Variants in LRRC4C observed in about 807,000 individuals in gnomAD.
LRRC4C encodes leucine-rich repeat-containing protein 4C.
A neutral mutation model predicts 33.6 loss-of-function variants in LRRC4C; 5 were observed. That is an observed-to-expected ratio of 0.15 (90% confidence interval 0.08 to 0.31). LRRC4C has a LOEUF of 0.31. Among genes scored for constraint, LRRC4C ranks in the 10% least tolerant of loss-of-function variants. LRRC4C has a pLI of 1.00. For missense variants in LRRC4C, 560 were observed against 796.7 expected, an observed-to-expected ratio of 0.70 and a Z score of 3.58; for synonymous variants, 329 against 302.0, an observed-to-expected ratio of 1.09 and a Z score of -0.93.
At chr11:40,670,827 A>C (rs1259649398) in intron 2 of LRRC4C, among the ~76,000 whole-genome samples, 2 of 152,068 alleles carry the variant, frequency 1.3e-5, no homozygotes, top group Non-Finnish European at 2.9e-5. Flanking sequence ...GCAGTGACGC[A>C]TCCTCGGCTC....
rs116544431 is a variant in LRRC4C, at chr11:41,347,337, G to A, written c.-496+112094C>T. Among the ~76,000 whole-genome samples the A allele has an allele frequency of 8.4e-3, 1,286 of 152,242 alleles. 10 individuals carry two copies. Among genetic ancestry groups the A allele is most frequent in the African/African-American group, 0.027 (1,124 of 41,536 alleles). On this transcript the variant is annotated intron_variant, in intron 1 of 6. Coordinates refer to ENST00000528697, the MANE Select transcript of LRRC4C (RefSeq NM_001258419.2). Reference sequence around the variant, plus strand: ...GTGTTCATTTGCTAAGTTAATACAGGCATTTAAGGAGAGCTTTAGTTTTCA... The same window carrying A: ...GTGTTCATTTGCTAAGTTAATACAGACATTTAAGGAGAGCTTTAGTTTTCA...
intron 3 of LRRC4C, among the ~76,000 whole-genome samples, chr11:40,365,469 G>A (rs147904908): frequency 1.3e-3 from 191 of 151,936 alleles, no homozygotes; most frequent in African/African-American, 4.5e-3. Flanking sequence ...AAGTTCTGCC[G>A]GTTTTTTTAC....
At chr11:41,200,927 T>C (rs750252030) in intron 1 of LRRC4C, among the ~76,000 whole-genome samples, 1 of 152,184 alleles carries the variant, frequency 6.6e-6, no homozygotes, top group South Asian at 2.1e-4. Flanking sequence ...GATGTGAAGA[T>C]GTGATGAAGA....
chr11:41,195,329 A>G (rs1238109055), intron 1 of LRRC4C, among the ~76,000 whole-genome samples: 2 of 152,096 alleles, frequency 1.3e-5, no homozygotes, highest in African/African-American at 2.4e-5. Flanking sequence ...ATAGATAATC[A>G]CAATTCAGCT....
chr11:40,808,679 G>A (rs779356372), intron 2 of LRRC4C, among the ~76,000 whole-genome samples: 26 of 152,118 alleles, frequency 1.7e-4, no homozygotes, highest in East Asian at 3.9e-4. Flanking sequence ...ACCCAGTACC[G>A]CCGGTCAATC....
intron 3 of LRRC4C, among the ~76,000 whole-genome samples, chr11:40,370,401 T>C (rs1211288523): frequency 6.6e-6 from 1 of 152,210 alleles, no homozygotes. Flanking sequence ...GGGAAGATGT[T>C]ATTTTGAGCA....
At chr11:40,622,636 A>T (rs150282546) in intron 3 of LRRC4C, among the ~76,000 whole-genome samples, 9 of 151,912 alleles carry the variant, frequency 5.9e-5, no homozygotes, top group Non-Finnish European at 1.2e-4. Flanking sequence ...AGACAATCTT[A>T]ATGAATTAAC....
At chr11:40,564,855 G>C (rs1490727568) in intron 3 of LRRC4C, among the ~76,000 whole-genome samples, 1 of 152,126 alleles carries the variant, frequency 6.6e-6, no homozygotes, top group Non-Finnish European at 1.5e-5. Context: ...GAGATAGGAG[G>C]ACGGCTCATA....
rs1389077852 is a variant in LRRC4C at position 40,474,892 on chromosome 11, C to T, written c.-269-155171G>A. Among the ~76,000 whole-genome samples, 3 of 129,918 alleles carry T rather than the reference C, an allele frequency of 2.3e-5. No homozygotes were observed. In the East Asian group the frequency reaches 9.0e-4, roughly 39 times the overall value. 85.2% of individuals were successfully genotyped at this position (129,918 alleles called of 152,430 possible). A position where few individuals can be genotyped will look rare whatever the true frequency, so the allele number is the denominator to read the frequency against. ...GTCATTAGATAAATGCAAATCAAAA[C>T]CACAATGAGATACCATCTCATGCCA... On this transcript the variant is annotated intron_variant, in intron 3 of 6. Coordinates refer to ENST00000528697, the MANE Select transcript of LRRC4C (RefSeq NM_001258419.2).
rs187638161 is a variant in LRRC4C, at chr11:40,584,703, G to A, written c.-270+63439C>T. Among the ~76,000 whole-genome samples the A allele has an allele frequency of 1.7e-3, 251 of 152,032 alleles. 1 individual carries two copies. The highest frequency in any genetic ancestry group is 5.4e-3 in the African/African-American group (223 of 41,492). ...TCCCAGAACTTTTGGAGGCCGAGGC[G>A]GGTGGATCAGCTGAGGTCAGGAGTT... On this transcript the variant is annotated intron_variant, in intron 3 of 6. Coordinates refer to ENST00000528697, the MANE Select transcript of LRRC4C (RefSeq NM_001258419.2).
intron 3 of LRRC4C, among the ~76,000 whole-genome samples, chr11:40,481,882 T>G (rs2138412563): frequency 6.6e-6 from 1 of 152,306 alleles, no homozygotes; most frequent in African/African-American, 2.4e-5. Flanking sequence ...AAGATAGAGC[T>G]ATTTCATTAT....
At chr11:41,102,645 C>A (rs772271417) in intron 1 of LRRC4C, among the ~76,000 whole-genome samples, 46 of 151,956 alleles carry the variant, frequency 3.0e-4, no homozygotes, top group Non-Finnish European at 4.4e-4. Flanking sequence ...CTGAAATAAG[C>A]TACTATATTT....
intron 1 of LRRC4C, among the ~76,000 whole-genome samples, chr11:41,116,359 G>T (rs1374435818): frequency 1.3e-5 from 2 of 152,040 alleles, no homozygotes; most frequent in African/African-American, 4.8e-5. Flanking sequence ...ATTTAACAAA[G>T]CCCAATTACA....
At chr11:41,440,637 G>A (rs1022463320) in intron 1 of LRRC4C, among the ~76,000 whole-genome samples, 2 of 151,934 alleles carry the variant, frequency 1.3e-5, no homozygotes, top group Non-Finnish European at 1.5e-5. Flanking sequence ...TGTCCCCACC[G>A]AAATCTCATC....
intron 1 of LRRC4C, among the ~76,000 whole-genome samples, chr11:41,177,896 C>G (rs761779720): frequency 6.6e-6 from 1 of 152,178 alleles, no homozygotes; most frequent in African/African-American, 2.4e-5. Flanking sequence ...AAGATAAACA[C>G]TTTAACAAAT....
At chr11:40,459,004 C>G (rs958094336) in intron 3 of LRRC4C, among the ~76,000 whole-genome samples, 1 of 152,070 alleles carries the variant, frequency 6.6e-6, no homozygotes, top group African/African-American at 2.4e-5. Flanking sequence ...CACATACATG[C>G]ATATACAGAG....
At chr11:40,742,203 T>C (rs1297741680) in intron 2 of LRRC4C, among the ~76,000 whole-genome samples, 1 of 152,032 alleles carries the variant, frequency 6.6e-6, no homozygotes, top group Admixed American at 6.6e-5. Flanking sequence ...TTTTCAAAGA[T>C]GTCTTTGAGG....
intron 2 of LRRC4C, among the ~76,000 whole-genome samples, chr11:40,743,901 T>C (rs1285276827): frequency 3.9e-5 from 6 of 152,130 alleles, no homozygotes; most frequent in African/African-American, 1.4e-4. Context: ...GGGTATATTA[T>C]GTCTTCTATC....
At chr11:41,242,730 G>T (rs193287909) in intron 1 of LRRC4C, among the ~76,000 whole-genome samples, 98 of 152,124 alleles carry the variant, frequency 6.4e-4, no homozygotes, top group African/African-American at 2.3e-3. Flanking sequence ...TTAGGAGTTA[G>T]CAATTTACTA....
Sources: gnomAD v4.1 joint callset for allele counts (sites outside exome capture counted in the v4.1 genomes callset) on GRCh38, gnomAD v4.1.1 for gene constraint, MANE v1.5 for transcripts, NCBI Gene and HGNC (gene_info 2026-07-23, HGNC 2026-07-21) for gene names.